Variants in GARIN2 observed in about 807,000 individuals in gnomAD.
GARIN2 encodes the protein Golgi-associated RAB2 interactor protein 2.
At chr14:67,218,944 A>C in the GARIN2 span, among the ~76,000 whole-genome samples, 2 of 151,960 alleles carry the variant, frequency 1.3e-5, no homozygotes, top group South Asian at 4.2e-4. Flanking sequence ...CAGGTTCTGC[A>C]CAGGTGGTGT....
the GARIN2 span, chr14:67,203,124 C>A: frequency 1.2e-6 from 2 of 1,613,578 alleles, no homozygotes; most frequent in Non-Finnish European, 1.7e-6. Context: ...CATTTACCTT[C>A]ATAACCGAGC....
the GARIN2 span, among the ~76,000 whole-genome samples, chr14:67,202,339 G>T: frequency 6.6e-6 from 1 of 152,154 alleles, no homozygotes; most frequent in Non-Finnish European, 1.5e-5. Flanking sequence ...TACTTGGGAG[G>T]CTGAGACAGG....
At chr14:67,189,837 ATTTTTTTTTTTTT>A in the GARIN2 span, 3 of 108,096 alleles carry the variant, frequency 2.8e-5, no homozygotes, top group Non-Finnish European at 5.4e-5. Context: ...ATTTTTTTTA[ATTTTTTTTTTTTT>A]TTTTTTTTGA....
At chr14:67,197,727 A>G in the GARIN2 span, among the ~76,000 whole-genome samples, 1 of 152,192 alleles carries the variant, frequency 6.6e-6, no homozygotes, top group Non-Finnish European at 1.5e-5. Flanking sequence ...CATGATGAAG[A>G]GGGTACCATC....
the GARIN2 span, chr14:67,198,460 T>C: frequency 1.3e-6 from 1 of 787,162 alleles, no homozygotes; most frequent in South Asian, 2.1e-5. Flanking sequence ...GTTTGGGAAC[T>C]TTAAAAAACC....
At chr14:67,199,733 G>A in the GARIN2 span, 1 of 1,572,668 alleles carries the variant, frequency 6.4e-7, no homozygotes, top group South Asian at 1.1e-5. Context: ...CAATCCTGTG[G>A]TATCATCATT....
At chr14:67,217,146 C>G in the GARIN2 span, among the ~76,000 whole-genome samples, 1 of 151,064 alleles carries the variant, frequency 6.6e-6, no homozygotes, top group African/African-American at 2.4e-5. Context: ...CCGTTTATAA[C>G]TATAGAATGA....
the GARIN2 span, chr14:67,199,695 C>T: frequency 1.3e-6 from 2 of 1,584,874 alleles, no homozygotes; most frequent in Middle Eastern, 1.7e-4. Flanking sequence ...CAGCTGTTTG[C>T]AGATGCACCT....
chr14:67,221,182 C>T, the GARIN2 span, among the ~76,000 whole-genome samples: 4 of 152,204 alleles, frequency 2.6e-5, no homozygotes, highest in African/African-American at 9.7e-5. Flanking sequence ...ATCTAAAAAA[C>T]TGCTAGCCTC....
At chr14:67,204,593 T>C in the GARIN2 span, 3 of 1,613,710 alleles carry the variant, frequency 1.9e-6, no homozygotes, top group Middle Eastern at 1.6e-4. Flanking sequence ...AACATGAGCC[T>C]GAAAGTAAAG....
chr14:67,189,914 C>T, the GARIN2 span, among the ~76,000 whole-genome samples: 1 of 142,714 alleles, frequency 7.0e-6, no homozygotes, highest in Non-Finnish European at 1.5e-5. Context: ...GATCTTGGCT[C>T]ACCACAACCT....
the GARIN2 span, chr14:67,224,949 T>A: frequency 1.7e-6 from 1 of 576,738 alleles, no homozygotes; most frequent in East Asian, 3.3e-5. Context: ...AAAGAATAAA[T>A]ACATTTTTGA....
At chr14:67,196,133 C>T in the GARIN2 span, among the ~76,000 whole-genome samples, 8 of 152,154 alleles carry the variant, frequency 5.3e-5, no homozygotes, top group Non-Finnish European at 1.2e-4. Flanking sequence ...TAAAGGGCTC[C>T]ACTCTAGTCT....
At chr14:67,190,638 C>G in the GARIN2 span, among the ~76,000 whole-genome samples, 3 of 152,094 alleles carry the variant, frequency 2.0e-5, no homozygotes, top group African/African-American at 7.2e-5. Flanking sequence ...TTTAATTACT[C>G]AAATATTTCA....
chr14:67,208,580 G>A, the GARIN2 span: 2 of 994,240 alleles, frequency 2.0e-6, no homozygotes, highest in Non-Finnish European at 2.9e-6. Flanking sequence ...GTAACTGAAT[G>A]ATGATATAGT....
chr14:67,208,766 G>A, the GARIN2 span, among the ~76,000 whole-genome samples: 10 of 151,854 alleles, frequency 6.6e-5, no homozygotes, highest in South Asian at 2.1e-4. Flanking sequence ...GCGCGGTGGC[G>A]GGCACCTGTA....
chr14:67,222,901 T>A, the GARIN2 span, among the ~76,000 whole-genome samples: 1 of 151,982 alleles, frequency 6.6e-6, no homozygotes, highest in Admixed American at 6.5e-5. Flanking sequence ...AAGGCAGTTT[T>A]AGTCACACGT....
the GARIN2 span, chr14:67,198,420 A>G: frequency 8.6e-7 from 1 of 1,157,976 alleles, no homozygotes. Context: ...AAATGTGCCG[A>G]GGGAATGTGT....
the GARIN2 span, among the ~76,000 whole-genome samples, chr14:67,217,294 A>G: frequency 6.6e-6 from 1 of 151,856 alleles, no homozygotes; most frequent in Non-Finnish European, 1.5e-5. Flanking sequence ...GTCTATATGC[A>G]TCTTTACAGG....
Sources: gnomAD v4.1 joint callset for allele counts (sites outside exome capture counted in the v4.1 genomes callset) on GRCh38, gnomAD v4.1.1 for gene constraint, MANE v1.5 for transcripts, NCBI Gene and HGNC (gene_info 2026-07-23, HGNC 2026-07-21) for gene names.